Variants in SNAP25 observed in about 807,000 individuals in gnomAD.
SNAP25 encodes the protein synaptosomal-associated protein 25.
In SNAP25, 3 loss-of-function variants were observed where a neutral mutation model predicts 28.7. The observed-to-expected ratio is 0.10, with a 90% CI of 0.05 to 0.27. SNAP25 has a LOEUF of 0.27. Ranked by LOEUF, SNAP25 falls within the 10% of genes least tolerant of loss-of-function variation. The probability of loss-of-function intolerance (pLI) is 1.00; values close to 1 mark genes in which losing one functional copy is unlikely to be tolerated. For synonymous variants in SNAP25, 61 were observed against 88.1 expected (o/e 0.69, Z 1.72); for missense variants, 117 against 278.7 (o/e 0.42, Z 4.13).
At position 10,293,085 on chromosome 20, in the gene SNAP25, T is replaced by C; in HGVS notation, c.164-76T>C. On this transcript the variant is annotated intron_variant, in intron 4 of 7. Coordinates refer to ENST00000254976, the MANE Select transcript of SNAP25 (RefSeq NM_130811.4). The surrounding 1 kb of genome is among the most constrained non-coding windows in gnomAD (Gnocchi z 5.6). ...CTTTTTTAATGTCAAAGTGAATGTC[T>C]GAAGTTTTGTCTTTTTTTCTTTGTC... is the stretch of plus-strand genomic sequence containing the variant. 6.9e-7 allele frequency: 1 copy of C among 1,454,522 alleles called. No individual in the cohort carries two copies. The highest frequency in any genetic ancestry group is 9.4e-7 in the Non-Finnish European group (1 of 1,063,358). The allele number at this position is 1,454,522 out of a possible 1,614,324, so 90.1% of individuals were successfully genotyped here.
chr20:10,254,936 A>G (rs2063294553), intron 1 of SNAP25, among the ~76,000 whole-genome samples: 1 of 152,076 alleles, frequency 6.6e-6, no homozygotes, highest in South Asian at 2.1e-4. Flanking sequence ...CTCAGCCTCT[A>G]TAGAAAAGGG....
intron 1 of SNAP25, among the ~76,000 whole-genome samples, chr20:10,236,822 T>C (rs1183204831): frequency 6.6e-6 from 1 of 152,128 alleles, no homozygotes; most frequent in Non-Finnish European, 1.5e-5. Context: ...CCATAGGGCA[T>C]TCTGATACCT....
chr20:10,277,840 G>C, intron 3 of SNAP25, 114 bp downstream of exon 3: 1 of 983,328 alleles, frequency 1.0e-6, no homozygotes, highest in East Asian at 2.5e-5. Context: ...CAGTGTGGAT[G>C]TAGCCTATCA....
chr20:10,290,933 CCA>C (rs148934585), intron 4 of SNAP25, among the ~76,000 whole-genome samples: 2,175 of 152,226 alleles, frequency 0.014, 52 homozygotes, highest in African/African-American at 0.047. Context: ...ACCAGTCCCT[CCA>C]CTTGAATATT....
At chr20:10,292,736 C>G (rs1472460891) in intron 4 of SNAP25, 1 of 601,882 alleles carries the variant, frequency 1.7e-6, no homozygotes, top group African/African-American at 1.9e-5. Context: ...TGTAGGGCAG[C>G]GGTAGCAGTC....
intron 1 of SNAP25, among the ~76,000 whole-genome samples, chr20:10,257,285 A>G (rs966438257): frequency 6.6e-6 from 1 of 152,228 alleles, no homozygotes; most frequent in African/African-American, 2.4e-5. Flanking sequence ...GCAAAAAGAC[A>G]TTCACCTGGC....
In SNAP25 at chr20:10,275,476, A is replaced by G. The variant is rs765941183; in HGVS notation, c.-16A>G. Reference sequence around the variant, plus strand: ...GACCCCCCAGCCCAGGCGCCCAGCCACTCCCCACCGCTACCATGGCCGAAG... The same window carrying G: ...GACCCCCCAGCCCAGGCGCCCAGCCGCTCCCCACCGCTACCATGGCCGAAG... On this transcript the variant is annotated 5_prime_UTR_variant, in exon 2 of 8. Coordinates refer to ENST00000254976, the MANE Select transcript of SNAP25 (RefSeq NM_130811.4). 2.0e-5 allele frequency: 32 copies of G among 1,596,366 alleles called. No homozygotes were observed. Among genetic ancestry groups the G allele is most frequent in the Admixed American group, 3.5e-5 (2 of 57,508 alleles).
At chr20:10,263,394 C>T (rs1361056042) in intron 1 of SNAP25, among the ~76,000 whole-genome samples, 1 of 152,078 alleles carries the variant, frequency 6.6e-6, no homozygotes, top group African/African-American at 2.4e-5. Context: ...CCTAAGGGAG[C>T]TGAGCAGATA....
intron 1 of SNAP25, among the ~76,000 whole-genome samples, chr20:10,225,064 C>T (rs1309746635): frequency 6.6e-6 from 1 of 151,962 alleles, no homozygotes; most frequent in Non-Finnish European, 1.5e-5. Flanking sequence ...AAACTAATCA[C>T]ATTGGGAGGA....
intron 1 of SNAP25, among the ~76,000 whole-genome samples, chr20:10,232,876 CA>C (rs1280922971): frequency 6.6e-6 from 1 of 152,178 alleles, no homozygotes; most frequent in African/African-American, 2.4e-5. Flanking sequence ...TCTGTGGGCT[CA>C]ATGATTTTTA....
chr20:10,234,915 T>A (rs1444386640), intron 1 of SNAP25, among the ~76,000 whole-genome samples: 1 of 152,214 alleles, frequency 6.6e-6, no homozygotes, highest in Non-Finnish European at 1.5e-5. Context: ...AAATAGGGAT[T>A]AGCTGGGCAT....
intron 1 of SNAP25, among the ~76,000 whole-genome samples, chr20:10,248,250 G>A (rs150220177): frequency 7.2e-5 from 11 of 152,262 alleles, no homozygotes; most frequent in African/African-American, 2.2e-4. Context: ...AGGGAGACCC[G>A]GGAGACCCAT....
In SNAP25 at chr20:10,293,440, G is replaced by A. The variant is rs2064041741; in HGVS notation, c.281+162G>A. Among the ~76,000 whole-genome samples the A allele has an allele frequency of 6.6e-6, 1 of 152,206 alleles. No homozygotes were observed. Among genetic ancestry groups the A allele is most frequent in the African/African-American group, 2.4e-5 (1 of 41,456 alleles). ...TCATCTCATAGCATAGATGATATTA[G>A]CAGGAGTTACTGTTGATGCATTAAA... On this transcript the variant is annotated intron_variant, in intron 5 of 7. Coordinates refer to ENST00000254976, the MANE Select transcript of SNAP25 (RefSeq NM_130811.4). The surrounding 1 kb of genome is among the most constrained non-coding windows in gnomAD (Gnocchi z 5.6).
Position 10,259,579 on chromosome 20 carries a change from C to T in SNAP25, c.-63-15850C>T, listed in dbSNP as rs116338242. Among the ~76,000 whole-genome samples, 1,170 of 152,180 alleles carry T rather than the reference C, an allele frequency of 7.7e-3. 18 individuals carry two copies. Among genetic ancestry groups the T allele is most frequent in the African/African-American group, 0.026 (1,082 of 41,510 alleles). ...TTTGAGACAGAGTCTCATTCTCTTG[C>T]CCAGGCTGGCGTGCTATAATGTGAT... On this transcript the variant is annotated intron_variant, in intron 1 of 7. Transcript: ENST00000254976.
intron 3 of SNAP25, among the ~76,000 whole-genome samples, chr20:10,282,325 G>A (rs542550328): frequency 9.9e-5 from 15 of 152,218 alleles, no homozygotes; most frequent in African/African-American, 3.1e-4. Flanking sequence ...TATCTTAAAC[G>A]TGGAGAAACA....
chr20:10,270,390 C>A (rs545107489), intron 1 of SNAP25, among the ~76,000 whole-genome samples: 3 of 152,172 alleles, frequency 2.0e-5, no homozygotes, highest in African/African-American at 7.2e-5. Flanking sequence ...TCAGCATCAC[C>A]TGAAGGCTGG....
intron 1 of SNAP25, among the ~76,000 whole-genome samples, chr20:10,266,480 T>C (rs1367038488): frequency 1.3e-5 from 2 of 152,194 alleles, no homozygotes; most frequent in Non-Finnish European, 2.9e-5. Context: ...AGGTGGCTAT[T>C]GTGAGCCAAA....
chr20:10,283,820 C>T (rs1600752744), intron 3 of SNAP25, among the ~76,000 whole-genome samples: 1 of 152,150 alleles, frequency 6.6e-6, no homozygotes, highest in Non-Finnish European at 1.5e-5. Context: ...TACCCATTAA[C>T]AGTCGCCCTG....
At chr20:10,249,685 GC>G (rs1183582879) in intron 1 of SNAP25, among the ~76,000 whole-genome samples, 7 of 152,080 alleles carry the variant, frequency 4.6e-5, no homozygotes, top group African/African-American at 1.7e-4. Flanking sequence ...TGATAGAAAT[GC>G]TGATTCTAAA....
Sources: allele counts gnomAD v4.1 joint callset (sites outside exome capture counted in the v4.1 genomes callset), GRCh38; gene constraint gnomAD v4.1.1; non-coding constraint Gnocchi (gnomAD v3.1); transcripts MANE v1.5; gene names NCBI Gene and HGNC (gene_info 2026-07-23, HGNC 2026-07-21).